NALF1: variants seen among roughly 807,000 people sequenced by gnomAD.
NALF1 encodes NALCN channel auxiliary factor 1, also known as family with sequence similarity 155 member A.
Under a neutral mutation model 48.4 loss-of-function variants are expected in NALF1, and 3 were observed. That is an observed-to-expected ratio of 0.06 (90% CI 0.03 to 0.16). The LOEUF is 0.16. NALF1 is among the 10% of genes least tolerant of loss of function. NALF1 has a pLI of 1.00. For synonymous variants in NALF1, 262 were observed against 245.7 expected (o/e 1.07, Z -0.62); for missense variants, 526 against 571.5 (o/e 0.92, Z 0.81).
chr13:107,697,637 GCTCT>G (rs1372916369), intron 1 of NALF1, among the ~76,000 whole-genome samples: 2 of 151,926 alleles, frequency 1.3e-5, no homozygotes, highest in African/African-American at 4.8e-5. Context: ...TATCAAGTAA[GCTCT>G]CTATCAAAAT....
At chr13:107,766,828 C>G (rs1320055683) in intron 1 of NALF1, among the ~76,000 whole-genome samples, 1 of 152,178 alleles carries the variant, frequency 6.6e-6, no homozygotes, top group Non-Finnish European at 1.5e-5. Context: ...CTACTTCAGT[C>G]TTTGTTTTAA....
intron 1 of NALF1, among the ~76,000 whole-genome samples, chr13:107,711,804 C>T (rs920722169): frequency 5.9e-5 from 9 of 152,098 alleles, no homozygotes; most frequent in African/African-American, 1.9e-4. Context: ...CTTCTAGAAA[C>T]GGAGATAGTC....
chr13:107,306,136 T>A (rs1165206589), intron 1 of NALF1, among the ~76,000 whole-genome samples: 1 of 152,206 alleles, frequency 6.6e-6, no homozygotes, highest in Non-Finnish European at 1.5e-5. Flanking sequence ...ACCATAAATT[T>A]AAAATTATCC....
At chr13:107,775,188 A>T (rs1347595712) in intron 1 of NALF1, among the ~76,000 whole-genome samples, 2 of 147,054 alleles carry the variant, frequency 1.4e-5, no homozygotes, top group Admixed American at 6.8e-5. Flanking sequence ...TATATCTCCC[A>T]GTGCTATCCC....
chr13:107,429,813 T>G (rs183555077), intron 1 of NALF1, among the ~76,000 whole-genome samples: 41 of 152,344 alleles, frequency 2.7e-4, no homozygotes, highest in Admixed American at 1.9e-3. Context: ...AAATTCAATC[T>G]ATAAATACAT....
intron 1 of NALF1, among the ~76,000 whole-genome samples, chr13:107,791,074 A>C (rs1474083648): frequency 1.3e-5 from 2 of 152,180 alleles, no homozygotes; most frequent in Non-Finnish European, 2.9e-5. Context: ...CAAATGGAAA[A>C]ATAAAATCCA....
At chr13:107,624,667 T>G (rs1162139563) in intron 1 of NALF1, among the ~76,000 whole-genome samples, 1 of 152,224 alleles carries the variant, frequency 6.6e-6, no homozygotes, top group Non-Finnish European at 1.5e-5. Context: ...TTTTGAATAG[T>G]AAATTATAAA....
intron 1 of NALF1, among the ~76,000 whole-genome samples, chr13:107,637,142 AAC>A (rs1255274611): frequency 6.6e-6 from 1 of 151,958 alleles, no homozygotes; most frequent in Non-Finnish European, 1.5e-5. Context: ...ATTTTGCTTA[AAC>A]ACACTCTATG....
intron 1 of NALF1, among the ~76,000 whole-genome samples, chr13:107,396,346 T>C (rs4597175): frequency 0.63 from 95,340 of 151,982 alleles, 29,946 homozygotes; most frequent in African/African-American, 0.66. Context: ...GCAAAAGATC[T>C]CTGCTAAGGC....
intron 1 of NALF1, among the ~76,000 whole-genome samples, chr13:107,703,363 G>GTTTTT (rs55884420): frequency 7.1e-5 from 8 of 112,008 alleles, no homozygotes; most frequent in African/African-American, 2.6e-4. Context: ...CATTTGCTTA[G>GTTTTT]TTTTTTTTTT....
intron 1 of NALF1, among the ~76,000 whole-genome samples, chr13:107,759,826 G>A (rs1357805106): frequency 6.6e-6 from 1 of 151,206 alleles, no homozygotes; most frequent in African/African-American, 2.4e-5. Context: ...CAGAGAATCT[G>A]TTATTCTTAC....
chr13:107,777,016 CAGGAG>C (rs1594259470), intron 1 of NALF1, among the ~76,000 whole-genome samples: 1 of 152,078 alleles, frequency 6.6e-6, no homozygotes, highest in African/African-American at 2.4e-5. Flanking sequence ...TGCTTGTGCC[CAGGAG>C]GTTGAAGCTT....
intron 1 of NALF1, among the ~76,000 whole-genome samples, chr13:107,581,475 T>C (rs1878307664): frequency 6.6e-6 from 1 of 152,172 alleles, no homozygotes; most frequent in South Asian, 2.1e-4. Flanking sequence ...AATCACAGCA[T>C]ATCAAATAAA....
chr13:107,181,174 G>A (rs1014306607), intron 2 of NALF1, among the ~76,000 whole-genome samples: 3 of 151,610 alleles, frequency 2.0e-5, no homozygotes, highest in African/African-American at 7.2e-5. Flanking sequence ...GAACATATCA[G>A]TACCTATTCT....
chr13:107,696,573 T>TGTGG (rs1881705951), intron 1 of NALF1, among the ~76,000 whole-genome samples: 1 of 151,906 alleles, frequency 6.6e-6, no homozygotes, highest in Non-Finnish European at 1.5e-5. Context: ...TGTGTGTGTG[T>TGTGG]GTGTGTGTGT....
intron 1 of NALF1, among the ~76,000 whole-genome samples, chr13:107,346,658 C>A (rs1882777938): frequency 6.6e-6 from 1 of 152,050 alleles, no homozygotes; most frequent in Non-Finnish European, 1.5e-5. Context: ...AGCATGTGGT[C>A]ATGAAAGATG....
intron 1 of NALF1, among the ~76,000 whole-genome samples, chr13:107,225,322 A>AT (rs1880080338): frequency 6.6e-6 from 1 of 151,676 alleles, no homozygotes; most frequent in African/African-American, 2.4e-5. Flanking sequence ...CTTATTTTTT[A>AT]TTTTTTGTTT....
At chr13:107,756,444 T>TATATATATATATATATATATAC (rs201150584) in intron 1 of NALF1, among the ~76,000 whole-genome samples, 3 of 150,550 alleles carry the variant, frequency 2.0e-5, no homozygotes, top group African/African-American at 7.3e-5. Context: ...GCTATATATA[T>TATATATATATATATATATATAC]ATATATATAT....
intron 1 of NALF1, among the ~76,000 whole-genome samples, chr13:107,355,063 G>A (rs1882939163): frequency 6.6e-6 from 1 of 152,178 alleles, no homozygotes; most frequent in South Asian, 2.1e-4. Flanking sequence ...GGGGCATCTG[G>A]GCACTGCCTA....
Sources: allele counts gnomAD v4.1 joint callset (sites outside exome capture counted in the v4.1 genomes callset), GRCh38; gene constraint gnomAD v4.1.1; transcripts MANE v1.5; gene names NCBI Gene and HGNC (gene_info 2026-07-23, HGNC 2026-07-21).